SLIT1: variants seen among roughly 807,000 people sequenced by gnomAD.
SLIT1 encodes slit homolog 1 protein.
In SLIT1, 66 loss-of-function variants were observed where a neutral mutation model predicts 186.1. The ratio of observed to expected loss-of-function variants is 0.35; its 90% CI spans 0.29 to 0.44. SLIT1 has a LOEUF of 0.44. SLIT1 is among the 20% of genes least tolerant of loss of function. The probability of loss-of-function intolerance (pLI) is 1.00; values close to 1 mark genes in which losing one functional copy is unlikely to be tolerated. For synonymous variants in SLIT1, 761 were observed against 833.8 expected (o/e 0.91, Z 1.50); for missense variants, 1,638 against 2,037.4 (o/e 0.80, Z 3.77).
chr10:97,055,750 T>C (rs1848830817), intron 13 of SLIT1, among the ~76,000 whole-genome samples: 1 of 152,240 alleles, frequency 6.6e-6, no homozygotes. Flanking sequence ...CTCTCTAATT[T>C]TTTTATTCAC....
chr10:97,185,375 G>T, intron 1 of SLIT1, 103 bp downstream of exon 1: 1 of 1,173,378 alleles, frequency 8.5e-7, no homozygotes. Flanking sequence ...TGCGGAGCCC[G>T]GACGGGCCCC....
intron 25 of SLIT1, among the ~76,000 whole-genome samples, chr10:97,023,661 G>A (rs748996934): frequency 8.5e-5 from 13 of 152,168 alleles, no homozygotes; most frequent in Non-Finnish European, 1.5e-4. Context: ...CCAGAATTCC[G>A]GCCGGGTGAG....
chr10:97,036,926 G>T (rs1206986478), intron 22 of SLIT1, among the ~76,000 whole-genome samples: 1 of 152,194 alleles, frequency 6.6e-6, no homozygotes, highest in African/African-American at 2.4e-5. Flanking sequence ...TTAGTTACAG[G>T]TATGTATTTG....
intron 4 of SLIT1, among the ~76,000 whole-genome samples, chr10:97,119,949 A>G (rs1849546352): frequency 2.1e-5 from 3 of 141,412 alleles, no homozygotes; most frequent in Non-Finnish European, 4.6e-5. Context: ...ATATATATGT[A>G]TATGTATATA....
At chr10:97,112,246 A>G (rs1374073742) in intron 4 of SLIT1, among the ~76,000 whole-genome samples, 2 of 151,784 alleles carry the variant, frequency 1.3e-5, no homozygotes, top group African/African-American at 2.4e-5. Flanking sequence ...CCACTCCCTG[A>G]CAGAGCGCCC....
intron 7 of SLIT1, 66 bp from the exon 8 acceptor site, chr10:97,063,684 C>T (rs1180237201): frequency 2.0e-6 from 3 of 1,481,918 alleles, no homozygotes; most frequent in Non-Finnish European, 2.7e-6. Flanking sequence ...TGTGGGAACC[C>T]CAATCTCAGG....
At chr10:97,125,784 A>T (rs1279141317) in intron 4 of SLIT1, among the ~76,000 whole-genome samples, 1 of 152,136 alleles carries the variant, frequency 6.6e-6, no homozygotes. Context: ...GGTTTCGGTG[A>T]GCTGAGATCG....
chr10:97,063,102 C>T (rs924056039), intron 8 of SLIT1, among the ~76,000 whole-genome samples: 5 of 151,956 alleles, frequency 3.3e-5, no homozygotes, highest in African/African-American at 9.7e-5. Flanking sequence ...AGAAAGAGAT[C>T]GGGGTGGAAC....
rs938691991 is a variant in SLIT1 at position 97,039,838 on chromosome 10, T to C, written c.2297+150A>G. 13 of 821,206 alleles carry C rather than the reference T, an allele frequency of 1.6e-5. No individual in the cohort carries two copies. In the East Asian group the frequency reaches 3.7e-4, roughly 24 times the overall value. 50.9% of individuals were successfully genotyped at this position (821,206 alleles called of 1,614,324 possible). On this transcript the variant is annotated intron_variant, in intron 21 of 36. Transcript: ENST00000266058. ...AAGCCTTTCTGGAGGCAGTGTTTTCTGCAAAGCCCGAACTCCAGCTCCTAG... is the reference window on the plus strand; with the variant it reads ...AAGCCTTTCTGGAGGCAGTGTTTTCCGCAAAGCCCGAACTCCAGCTCCTAG...
At position 97,068,874 on chromosome 10, in the gene SLIT1, A is replaced by T. The variant is rs183639527; in HGVS notation, c.414-2788T>A. On this transcript the variant is annotated intron_variant, in intron 4 of 36. Coordinates refer to ENST00000266058, the MANE Select transcript of SLIT1 (RefSeq NM_003061.3). This position sits in a 1 kb window ranked among gnomAD's most constrained non-coding sequence, Gnocchi z 4.2. ...GGCCTACTCCCCGATGCCTGTCTTTATGCAGCAACTCCCCCAGCCCCATAT... is the reference window on the plus strand; with the variant it reads ...GGCCTACTCCCCGATGCCTGTCTTTTTGCAGCAACTCCCCCAGCCCCATAT... Among the ~76,000 whole-genome samples, 62 of 152,238 alleles carry T rather than the reference A, an allele frequency of 4.1e-4. 1 individual carries two copies. In the East Asian group the frequency reaches 0.011, roughly 28 times the overall value.
At position 97,043,554 on chromosome 10, in the gene SLIT1, C is replaced by T. The variant is rs1848709472; in HGVS notation, c.1854-41G>A. 6.3e-7 allele frequency: 1 copy of T among 1,590,380 alleles called. No homozygotes were observed. Among genetic ancestry groups the T allele is most frequent in the African/African-American group, 1.3e-5 (1 of 74,642 alleles). The stretch of plus-strand genomic sequence containing the variant: ...GGAGGGAGGAGGGGACCCTTGCTGC[C>T]CTGCCAGCCATCCACCTGGGCCACG... On this transcript the variant is annotated intron_variant, in intron 18 of 36. Coordinates refer to ENST00000266058, the MANE Select transcript of SLIT1 (RefSeq NM_003061.3). This position sits in a 1 kb window ranked among gnomAD's most constrained non-coding sequence, Gnocchi z 7.0.
At chr10:97,159,808 C>T (rs1328470105) in intron 3 of SLIT1, among the ~76,000 whole-genome samples, 1 of 152,198 alleles carries the variant, frequency 6.6e-6, no homozygotes, top group Non-Finnish European at 1.5e-5. Flanking sequence ...CAGCACTTTG[C>T]ATTCGTGCCC....
At chr10:97,037,674 T>G (rs1365892293) in intron 22 of SLIT1, 24 bp downstream of exon 22, 1 of 1,594,340 alleles carries the variant, frequency 6.3e-7, no homozygotes, top group Admixed American at 1.7e-5. Context: ...GGCCCTCCTG[T>G]CCTCAAGCGG....
chr10:97,013,937 C>T (rs1432510309), intron 29 of SLIT1, 82 bp downstream of exon 29: 2 of 1,569,380 alleles, frequency 1.3e-6, no homozygotes, highest in Non-Finnish European at 1.7e-6. Flanking sequence ...AGGCAGGGAT[C>T]CCCTTCCACT....
chr10:97,156,977 C>T (rs943665265), intron 4 of SLIT1, among the ~76,000 whole-genome samples: 2 of 152,204 alleles, frequency 1.3e-5, no homozygotes, highest in African/African-American at 4.8e-5. Context: ...AAAAACCTGA[C>T]AGCTCTTCAA....
intron 4 of SLIT1, among the ~76,000 whole-genome samples, chr10:97,095,218 G>A (rs1466152177): frequency 6.6e-6 from 1 of 152,234 alleles, no homozygotes; most frequent in African/African-American, 2.4e-5. Context: ...GGAAGGTGGA[G>A]GTTGCAGTGA....
chr10:97,021,995 A>G lies in SLIT1; in HGVS notation c.2583-582T>C, dbSNP rs896898865. ...AATTTGCCTAAGATCACACAGAGAA[A>G]CGGGAAGCTGTTGGGGCCATGCTGT... On this transcript the variant is annotated intron_variant, in intron 25 of 36. Coordinates refer to ENST00000266058, the MANE Select transcript of SLIT1 (RefSeq NM_003061.3). The surrounding 1 kb of genome is among the most constrained non-coding windows in gnomAD (Gnocchi z 4.5). 1.3e-5 allele frequency among the ~76,000 whole-genome samples: 2 copies of G among 152,234 alleles called. No homozygotes were observed. The highest frequency in any genetic ancestry group is 4.8e-5 in the African/African-American group (2 of 41,464).
At chr10:97,020,694 G>A (rs887758600) in intron 26 of SLIT1, among the ~76,000 whole-genome samples, 5 of 152,248 alleles carry the variant, frequency 3.3e-5, no homozygotes, top group Non-Finnish European at 4.4e-5. Context: ...GCCCGGCCCC[G>A]GCGGCCACTC....
chr10:97,030,547 C>T (rs937698369), intron 25 of SLIT1, among the ~76,000 whole-genome samples: 1 of 152,212 alleles, frequency 6.6e-6, no homozygotes. Context: ...CCTTCACTAC[C>T]GCTTGCGAGG....
Sources: allele counts gnomAD v4.1 joint callset (sites outside exome capture counted in the v4.1 genomes callset), GRCh38; gene constraint gnomAD v4.1.1; non-coding constraint Gnocchi (gnomAD v3.1); transcripts MANE v1.5; gene names NCBI Gene and HGNC (gene_info 2026-07-23, HGNC 2026-07-21).